Variants in RUNX2 observed in about 807,000 individuals in gnomAD.
The protein encoded by RUNX2 is runt-related transcription factor 2.
A neutral mutation model predicts 51.7 loss-of-function variants in RUNX2; 10 were observed. That is an observed-to-expected ratio of 0.19 (90% CI 0.12 to 0.33). The LOEUF (loss-of-function observed/expected upper bound fraction) is 0.33. Among genes scored for constraint, RUNX2 ranks in the 10% least tolerant of loss-of-function variants. The pLI, the probability that RUNX2 is intolerant of heterozygous loss-of-function variation, is 1.00. For synonymous variants in RUNX2, 276 were observed against 273.6 expected, an observed-to-expected ratio of 1.01 and a Z score of -0.09; for missense variants, 562 against 691.3, an observed-to-expected ratio of 0.81 and a Z score of 2.10.
chr6:45,414,688 C>G (rs1798024719), intron 2 of RUNX2, among the ~76,000 whole-genome samples: 1 of 148,492 alleles, frequency 6.7e-6, no homozygotes, highest in East Asian at 2.0e-4. Flanking sequence ...CCTTTCTTTC[C>G]TTGGTGGTAG....
intron 2 of RUNX2, among the ~76,000 whole-genome samples, chr6:45,336,139 A>G (rs1581681516): frequency 1.3e-5 from 2 of 151,384 alleles, no homozygotes; most frequent in Non-Finnish European, 3.0e-5. Context: ...TTTCAAAACC[A>G]AACACATATA....
At chr6:45,436,214 C>T (rs184484944) in intron 4 of RUNX2, among the ~76,000 whole-genome samples, 32 of 151,820 alleles carry the variant, frequency 2.1e-4, no homozygotes, top group African/African-American at 4.4e-4. Context: ...CTGATTGGGA[C>T]GCATCTAGAA....
chr6:45,367,527 C>T (rs892045996), intron 2 of RUNX2, among the ~76,000 whole-genome samples: 9 of 151,968 alleles, frequency 5.9e-5, no homozygotes, highest in African/African-American at 2.2e-4. Flanking sequence ...AATAGTCCTG[C>T]AGAATTGGGA....
intron 5 of RUNX2, among the ~76,000 whole-genome samples, chr6:45,489,586 G>A (rs997405509): frequency 6.6e-6 from 1 of 152,174 alleles, no homozygotes; most frequent in African/African-American, 2.4e-5. Flanking sequence ...CAGGGAACCT[G>A]CCATTCCAAA....
At position 45,422,946 on chromosome 6, in the gene RUNX2, G is replaced by T; in HGVS notation, c.412G>T (p.Val138Leu). 6.2e-7 allele frequency: 1 copy of T among 1,611,134 alleles called. No individual in the cohort carries two copies. The highest frequency in any genetic ancestry group is 8.5e-7 in the Non-Finnish European group (1 of 1,179,514). The change falls in exon 3 of 9, where the codon GTG becomes TTG. Residue 138 changes from valine to leucine, a missense_variant. Val to Leu is a conservative substitution (Grantham distance 32). This residue lies in a region of RUNX2 where 67 missense variants were observed against 106.5 expected (regional missense o/e 0.63). Coordinates refer to ENST00000647337, the MANE Select transcript of RUNX2 (RefSeq NM_001024630.4). The stretch of plus-strand genomic sequence containing the variant: ...CTGGCGCTGCAACAAGACCCTGCCC[G>T]TGGCCTTCAAGGTAAGAGGCTACAC... ...SHWRCNKTLP[V>L]AFKVVALGEV...
intron 2 of RUNX2, among the ~76,000 whole-genome samples, chr6:45,412,940 G>C (rs950353202): frequency 6.6e-6 from 1 of 151,970 alleles, no homozygotes; most frequent in Non-Finnish European, 1.5e-5. Flanking sequence ...AGGTAGAGGC[G>C]GGGTTTCACC....
intron 5 of RUNX2, among the ~76,000 whole-genome samples, chr6:45,489,760 A>G (rs917045987): frequency 6.6e-6 from 1 of 152,192 alleles, no homozygotes; most frequent in African/African-American, 2.4e-5. Flanking sequence ...AGTACTATAT[A>G]ATTCCCTAAT....
chr6:45,536,183 G>A (rs1802027539), intron 7 of RUNX2, among the ~76,000 whole-genome samples: 1 of 151,900 alleles, frequency 6.6e-6, no homozygotes, highest in African/African-American at 2.4e-5. Flanking sequence ...GTCACAACCC[G>A]GAAGCCCCTT....
intron 5 of RUNX2, among the ~76,000 whole-genome samples, chr6:45,447,000 T>C (rs1204619437): frequency 1.3e-5 from 2 of 152,244 alleles, no homozygotes; most frequent in Non-Finnish European, 2.9e-5. Context: ...AATCTATTTG[T>C]TGGAAGACCA....
chr6:45,363,418 G>GTTA (rs1165711560), intron 2 of RUNX2, among the ~76,000 whole-genome samples: 3 of 152,050 alleles, frequency 2.0e-5, no homozygotes, highest in African/African-American at 7.2e-5. Context: ...AGGGAGAAAG[G>GTTA]TTAAATAAGA....
chr6:45,346,172 ATT>A (rs71713889), intron 2 of RUNX2, among the ~76,000 whole-genome samples: 34,264 of 151,952 alleles, frequency 0.23, 4,515 homozygotes, highest in Non-Finnish European at 0.31. Flanking sequence ...ACCACCTGTC[ATT>A]CTCTCAGTTT....
intron 2 of RUNX2, among the ~76,000 whole-genome samples, chr6:45,376,484 AT>A (rs1193094313): frequency 6.6e-6 from 1 of 152,246 alleles, no homozygotes; most frequent in Non-Finnish European, 1.5e-5. Context: ...CACTTATCAC[AT>A]TTCAAGTGCT....
intron 7 of RUNX2, among the ~76,000 whole-genome samples, chr6:45,528,785 G>A (rs1403471656): frequency 6.6e-6 from 1 of 152,232 alleles, no homozygotes; most frequent in Non-Finnish European, 1.5e-5. Flanking sequence ...AGGCTGGCGA[G>A]CTAATATCCA....
At chr6:45,400,177 A>AGGAG (rs1281244722) in intron 2 of RUNX2, among the ~76,000 whole-genome samples, 1 of 125,718 alleles carries the variant, frequency 8.0e-6, no homozygotes, top group Non-Finnish European at 1.8e-5. Context: ...GAAGGAAAGA[A>AGGAG]GGAGGGAATG....
intron 4 of RUNX2, among the ~76,000 whole-genome samples, 173 bp downstream of exon 4, chr6:45,432,192 T>C (rs560024809): frequency 6.6e-6 from 1 of 152,340 alleles, no homozygotes; most frequent in South Asian, 2.1e-4. Flanking sequence ...ACTCAGGCCT[T>C]TTTCATTTAT....
intron 6 of RUNX2, among the ~76,000 whole-genome samples, chr6:45,498,766 T>C (rs1054024864): frequency 6.6e-6 from 1 of 152,224 alleles, no homozygotes; most frequent in African/African-American, 2.4e-5. Flanking sequence ...CCAGCTGGAA[T>C]TAGGCTGTGT....
intron 5 of RUNX2, among the ~76,000 whole-genome samples, chr6:45,439,728 C>T (rs529320653): frequency 1.1e-4 from 17 of 151,816 alleles, no homozygotes; most frequent in Admixed American, 6.6e-4. Flanking sequence ...TACATACACA[C>T]AAGAGTTGAT....
At position 45,510,380 on chromosome 6, in the gene RUNX2, G is replaced by A. The variant is rs16873448; in HGVS notation, c.860-1866G>A. ...TATATGTCAATGTCAGTAAACATCC[G>A]ATAAATATCCAGGTGTGTTTAATTA... On this transcript the variant is annotated intron_variant, in intron 6 of 8. Transcript: ENST00000647337. Among the ~76,000 whole-genome samples the A allele has an allele frequency of 2.8e-3, 427 of 152,252 alleles. 2 individuals carry two copies. The highest frequency in any genetic ancestry group is 9.7e-3 in the African/African-American group (402 of 41,538).
chr6:45,521,102 CTTG>C (rs1188412822), intron 7 of RUNX2, among the ~76,000 whole-genome samples: 35 of 152,248 alleles, frequency 2.3e-4, no homozygotes, highest in African/African-American at 6.7e-4. Context: ...TTTGCATATT[CTTG>C]AATCCTTATA....
Sources: gnomAD v4.1 joint callset for allele counts (sites outside exome capture counted in the v4.1 genomes callset) on GRCh38, gnomAD v4.1.1 for gene constraint, gnomAD v4.1.1 regional missense constraint, MANE v1.5 for transcripts, NCBI Gene and HGNC (gene_info 2026-07-23, HGNC 2026-07-21) for gene names.